Variants in AUTS2 observed in about 807,000 individuals in gnomAD.
The protein encoded by AUTS2 is activator of transcription and developmental regulator AUTS2, also known as autism susceptibility gene 2 protein.
Under a neutral mutation model 112.4 loss-of-function variants are expected in AUTS2, and 17 were observed. That is an observed-to-expected ratio of 0.15 (90% CI 0.10 to 0.23). The LOEUF is 0.23. Among genes scored for constraint, AUTS2 ranks in the 10% least tolerant of loss-of-function variants. AUTS2 has a pLI of 1.00. For missense variants in AUTS2, 1,510 were observed against 1,701.6 expected (o/e 0.89, Z 1.98); for synonymous variants, 751 against 702.7 (o/e 1.07, Z -1.09).
intron 5 of AUTS2, among the ~76,000 whole-genome samples, chr7:70,612,043 T>A (rs557695228): frequency 6.6e-6 from 1 of 152,338 alleles, no homozygotes; most frequent in South Asian, 2.1e-4. Flanking sequence ...CACAAATGTG[T>A]GCATTGGTTG....
Position 69,753,175 on chromosome 7 carries a change from A to T in AUTS2, c.310-146111A>T, listed in dbSNP as rs79379749. On this transcript the variant is annotated intron_variant, in intron 1 of 18. Coordinates refer to ENST00000342771, the MANE Select transcript of AUTS2 (RefSeq NM_015570.4). The stretch of plus-strand genomic sequence containing the variant: ...ATGTGATCATGTATGTGAGAATGTG[A>T]AGTGCAGTGCCTGGCACACAAGAGG... Among the ~76,000 whole-genome samples the T allele has an allele frequency of 8.2e-3, 1,256 of 152,266 alleles. 8 individuals are homozygous for T. The highest frequency in any genetic ancestry group is 0.013 in the Non-Finnish European group (896 of 68,022).
At chr7:70,425,484 A>G (rs1431824005) in intron 4 of AUTS2, among the ~76,000 whole-genome samples, 1 of 152,212 alleles carries the variant, frequency 6.6e-6, no homozygotes, top group African/African-American at 2.4e-5. Context: ...TTCTACTCCA[A>G]GAGGAGATTC....
intron 2 of AUTS2, among the ~76,000 whole-genome samples, chr7:70,029,428 C>T (rs956747781): frequency 6.6e-6 from 1 of 151,800 alleles, no homozygotes; most frequent in African/African-American, 2.4e-5. Context: ...CTTTGAGCTC[C>T]TTGAGTATGG....
chr7:70,054,912 TTC>T (rs1247809788), intron 2 of AUTS2, among the ~76,000 whole-genome samples: 5 of 152,278 alleles, frequency 3.3e-5, no homozygotes, highest in African/African-American at 1.2e-4. Context: ...TGGTCTTCCC[TTC>T]TCCTCCTCCT....
rs572290073 is a variant in AUTS2, at chr7:69,658,274, T to A, written c.309+58312T>A. On this transcript the variant is annotated intron_variant, in intron 1 of 18. Transcript: ENST00000342771. ...AGAAGTAGTTTGTTGATCCCTTTCC[T>A]ATTATATAGCAGGCATATAGTGTAA... Among the ~76,000 whole-genome samples, 13 of 152,384 alleles carry A rather than the reference T, an allele frequency of 8.5e-5. No homozygotes were observed. In the South Asian group the frequency reaches 2.7e-3, roughly 32 times the overall value.
At chr7:70,037,126 T>A (rs1214031773) in intron 2 of AUTS2, among the ~76,000 whole-genome samples, 2 of 151,984 alleles carry the variant, frequency 1.3e-5, no homozygotes, top group Non-Finnish European at 2.9e-5. Flanking sequence ...TTATGCTAAG[T>A]AAAATAAGTC....
intron 2 of AUTS2, among the ~76,000 whole-genome samples, chr7:70,090,908 A>G (rs1428681489): frequency 6.6e-6 from 1 of 152,104 alleles, no homozygotes; most frequent in East Asian, 1.9e-4. Context: ...GGAACTCCTG[A>G]CCTCAAGTAA....
chr7:70,352,755 C>G (rs1042897606), intron 4 of AUTS2, among the ~76,000 whole-genome samples: 4 of 152,076 alleles, frequency 2.6e-5, no homozygotes, highest in African/African-American at 9.7e-5. Context: ...AAATGAAATG[C>G]TTCGTTTAAA....
chr7:70,788,132 CTT>C lies in AUTS2; in HGVS notation c.2531+711_2531+712del, dbSNP rs113849206. Among the ~76,000 whole-genome samples, 722 of 151,262 alleles carry C rather than the reference CTT, an allele frequency of 4.8e-3. 7 individuals carry two copies. The highest frequency in any genetic ancestry group is 0.017 in the African/African-American group (701 of 41,324). The stretch of plus-strand genomic sequence containing the variant: ...CGTAACGCATTCTTGACAAAAATGT[CTT>C]TTTTTTTTTCTTTCTTTAGGCTATT... On this transcript the variant is annotated intron_variant, in intron 18 of 18. Coordinates refer to ENST00000342771, the MANE Select transcript of AUTS2 (RefSeq NM_015570.4).
rs566111733 is a variant in AUTS2, at chr7:70,637,500, A to G, written c.691-61069A>G. ...AGATTTGTGAATTAAGAAGTTTTAAAATAGCATTCACTGCAATTTTAATAA... is the reference window on the plus strand; with the variant it reads ...AGATTTGTGAATTAAGAAGTTTTAAGATAGCATTCACTGCAATTTTAATAA... On this transcript the variant is annotated intron_variant, in intron 5 of 18. Transcript: ENST00000342771. Among the ~76,000 whole-genome samples the G allele has an allele frequency of 1.4e-4, 22 of 152,372 alleles. 1 individual carries two copies. The South Asian group carries it at 4.3e-3, about 30-fold the overall frequency.
chr7:70,580,265 C>T (rs1034243956), intron 5 of AUTS2, among the ~76,000 whole-genome samples: 2 of 152,198 alleles, frequency 1.3e-5, no homozygotes, highest in African/African-American at 4.8e-5. Flanking sequence ...CAGCTATGCA[C>T]ATGTGCCCTG....
intron 4 of AUTS2, among the ~76,000 whole-genome samples, chr7:70,254,225 C>A (rs1786744417): frequency 6.6e-6 from 1 of 152,156 alleles, no homozygotes; most frequent in African/African-American, 2.4e-5. Context: ...GGACACTCTG[C>A]AACCTGGAAC....
intron 4 of AUTS2, among the ~76,000 whole-genome samples, chr7:70,287,334 G>A (rs1462252768): frequency 6.6e-6 from 1 of 152,088 alleles, no homozygotes; most frequent in African/African-American, 2.4e-5. Flanking sequence ...TTGGCCCAGA[G>A]TTTCATATTC....
intron 6 of AUTS2, among the ~76,000 whole-genome samples, chr7:70,746,976 G>A (rs1788492870): frequency 6.6e-6 from 1 of 152,136 alleles, no homozygotes; most frequent in Non-Finnish European, 1.5e-5. Flanking sequence ...TAATATTGGG[G>A]GAATGAAAAC....
At chr7:70,514,769 G>A (rs1799347457) in intron 5 of AUTS2, among the ~76,000 whole-genome samples, 1 of 152,180 alleles carries the variant, frequency 6.6e-6, no homozygotes, top group South Asian at 2.1e-4. Flanking sequence ...CCTGGGAAGT[G>A]TCTGAGAGTT....
At chr7:70,360,954 C>T (rs1393783986) in intron 4 of AUTS2, among the ~76,000 whole-genome samples, 1 of 152,202 alleles carries the variant, frequency 6.6e-6, no homozygotes, top group Non-Finnish European at 1.5e-5. Flanking sequence ...TAGCCAGAGT[C>T]CTCCTGGTAT....
intron 4 of AUTS2, among the ~76,000 whole-genome samples, chr7:70,358,308 A>T (rs992825264): frequency 2.6e-5 from 4 of 152,212 alleles, no homozygotes; most frequent in South Asian, 4.1e-4. Flanking sequence ...AACTACTTCC[A>T]TCTCTGAGTT....
At chr7:70,482,618 G>A (rs994211533) in intron 5 of AUTS2, among the ~76,000 whole-genome samples, 1 of 152,124 alleles carries the variant, frequency 6.6e-6, no homozygotes, top group African/African-American at 2.4e-5. Context: ...GAGGGATTTG[G>A]GGGGAGGGCC....
chr7:69,935,637 T>C (rs538273853), intron 2 of AUTS2, among the ~76,000 whole-genome samples: 1 of 152,262 alleles, frequency 6.6e-6, no homozygotes, highest in African/African-American at 2.4e-5. Flanking sequence ...TTTCAGCTAA[T>C]ACTCCCCAGG....
Sources: gnomAD v4.1 joint callset for allele counts (sites outside exome capture counted in the v4.1 genomes callset) on GRCh38, gnomAD v4.1.1 for gene constraint, MANE v1.5 for transcripts, NCBI Gene and HGNC (gene_info 2026-07-23, HGNC 2026-07-21) for gene names.